The following PCDH15 variants were observed in gnomAD, a reference collection of about 807,000 sequenced individuals.
PCDH15 encodes the protein protocadherin related 15.
PCDH15 carries 129 observed loss-of-function variants against 178.5 expected under a neutral mutation model. That is an observed-to-expected ratio of 0.72 (90% CI 0.63 to 0.84). The LOEUF (loss-of-function observed/expected upper bound fraction) is 0.84. Among genes scored for constraint, PCDH15 ranks in the 40% least tolerant of loss-of-function variants. The pLI is 0.00. For missense variants in PCDH15, 2,230 were observed against 2,099.9 expected (o/e 1.06, Z -1.21); for synonymous variants, 800 against 732.0 (o/e 1.09, Z -1.50).
chr10:55,488,900 T>C (rs76398986), intron 2 of PCDH15, among the ~76,000 whole-genome samples: 5,014 of 151,456 alleles, frequency 0.033, 352 homozygotes, highest in East Asian at 0.29. Flanking sequence ...ACTAGAATAA[T>C]ATTCAGAAAG....
At chr10:55,181,824 A>C (rs1425434022) in intron 1 of PCDH15, among the ~76,000 whole-genome samples, 1 of 152,032 alleles carries the variant, frequency 6.6e-6, no homozygotes, top group Non-Finnish European at 1.5e-5. Flanking sequence ...AATAATTTTT[A>C]ATACAGAGGT....
intron 20 of PCDH15, among the ~76,000 whole-genome samples, chr10:54,000,293 A>G (rs2092068328): frequency 6.6e-6 from 1 of 152,168 alleles, no homozygotes; most frequent in Admixed American, 6.5e-5. Context: ...ATCCACAAGC[A>G]TCAATATCAT....
intron 14 of PCDH15, among the ~76,000 whole-genome samples, chr10:54,149,717 T>C (rs1389454041): frequency 1.3e-5 from 2 of 152,160 alleles, no homozygotes; most frequent in African/African-American, 4.8e-5. Flanking sequence ...GATTGAGATG[T>C]TTTCCATGTT....
At chr10:54,837,717 A>G (rs1953342169) in intron 3 of PCDH15, among the ~76,000 whole-genome samples, 1 of 152,180 alleles carries the variant, frequency 6.6e-6, no homozygotes, top group Non-Finnish European at 1.5e-5. Context: ...CCACTACAGC[A>G]ATAATTCGGC....
chr10:54,008,736 T>C (rs1320299787), intron 20 of PCDH15, among the ~76,000 whole-genome samples: 2 of 152,138 alleles, frequency 1.3e-5, no homozygotes, highest in African/African-American at 4.8e-5. Flanking sequence ...TTCTCTTCTT[T>C]GTCCAAAATC....
At chr10:54,231,711 A>G (rs2054095618) in intron 9 of PCDH15, among the ~76,000 whole-genome samples, 1 of 152,150 alleles carries the variant, frequency 6.6e-6, no homozygotes, top group East Asian at 1.9e-4. Context: ...TTGGGAGCCC[A>G]CCCCCTGCAT....
In PCDH15 at chr10:54,490,663, C is replaced by T. The variant is rs1404965688; in HGVS notation, c.157+37149G>A. On this transcript the variant is annotated intron_variant, in intron 3 of 37. Coordinates refer to ENST00000644397, the MANE Select transcript of PCDH15 (RefSeq NM_001384140.1). ...CACACATATGCCATCCCACCCGATCCGCTGAATCAGAATGTCTGAAGTAGA... is the reference window on the plus strand; with the variant it reads ...CACACATATGCCATCCCACCCGATCTGCTGAATCAGAATGTCTGAAGTAGA... Among the ~76,000 whole-genome samples the T allele has an allele frequency of 7.2e-5, 11 of 151,972 alleles. No homozygotes were observed. In the South Asian group the frequency reaches 8.3e-4, roughly 11 times the overall value.
chr10:54,378,326 T>C (rs1222675062), intron 4 of PCDH15, among the ~76,000 whole-genome samples: 2 of 152,120 alleles, frequency 1.3e-5, no homozygotes, highest in African/African-American at 2.4e-5. Context: ...TTTTCTTTTT[T>C]GCAACTATGT....
At chr10:54,128,590 C>A (rs143670577) in intron 15 of PCDH15, among the ~76,000 whole-genome samples, 1 of 152,240 alleles carries the variant, frequency 6.6e-6, no homozygotes, top group East Asian at 1.9e-4. Flanking sequence ...TGTAATAACA[C>A]TGGACTAGCA....
At chr10:54,810,475 G>A (rs1331744954) in intron 3 of PCDH15, among the ~76,000 whole-genome samples, 1 of 151,948 alleles carries the variant, frequency 6.6e-6, no homozygotes, top group East Asian at 1.9e-4. Flanking sequence ...TATGGATATT[G>A]TACATCTTTC....
At chr10:55,193,466 C>A (rs1162805301) in intron 1 of PCDH15, among the ~76,000 whole-genome samples, 1 of 151,848 alleles carries the variant, frequency 6.6e-6, no homozygotes, top group Non-Finnish European at 1.5e-5. Flanking sequence ...GATTATTAAT[C>A]AAAATGCTTT....
intron 15 of PCDH15, among the ~76,000 whole-genome samples, chr10:54,106,122 T>C (rs1331720089): frequency 1.3e-5 from 2 of 152,220 alleles, no homozygotes; most frequent in East Asian, 1.9e-4. Context: ...TGCCTAGGAC[T>C]GGTGACTCTG....
Position 54,236,830 on chromosome 10 carries a change from G to A in PCDH15, c.978C>T (p.Ile326=), listed in dbSNP as rs563269633. 13 of 1,609,820 alleles carry A rather than the reference G, an allele frequency of 8.1e-6. No homozygotes were observed. In the East Asian group the frequency reaches 2.9e-4, roughly 36 times the overall value. ...PSDRPGILYS[I]LVGTPEDYPR... ...ATGTTATCAGATACAAACCAACAAGGATGGAATAGAGGATTCCTGGCCTAT... is the reference window on the plus strand; with the variant it reads ...ATGTTATCAGATACAAACCAACAAGAATGGAATAGAGGATTCCTGGCCTAT... The change falls in exon 9 of 38, where the codon ATC becomes ATT. Residue 326 remains isoleucine, a synonymous_variant. Coordinates refer to ENST00000644397, the MANE Select transcript of PCDH15 (RefSeq NM_001384140.1).
intron 2 of PCDH15, among the ~76,000 whole-genome samples, chr10:55,150,367 T>G (rs1234300305): frequency 1.3e-5 from 2 of 152,150 alleles, no homozygotes; most frequent in African/African-American, 4.8e-5. Flanking sequence ...GCCTTCCAAT[T>G]TTTATGTTGT....
rs537645661 is a variant in PCDH15 at position 54,854,584 on chromosome 10, C to T, written c.-29+42866G>A. Among the ~76,000 whole-genome samples the T allele has an allele frequency of 2.3e-3, 345 of 152,230 alleles. 2 individuals carry two copies. The highest frequency in any genetic ancestry group is 8.1e-3 in the African/African-American group (338 of 41,556). On this transcript the variant is annotated intron_variant, in intron 3 of 5. Transcript: ENST00000458638. ...TTCAGCTCCTAGGAGAGTGGAGACC[C>T]TGGAGTGGACAGCTCCTCTCTGCAG...
chr10:53,899,055 T>G (rs1054851271), intron 26 of PCDH15, among the ~76,000 whole-genome samples: 2 of 151,690 alleles, frequency 1.3e-5, no homozygotes, highest in Non-Finnish European at 2.9e-5. Flanking sequence ...CCACTCACTA[T>G]AGTATAAACA....
At chr10:55,360,207 C>T (rs1253762782) in intron 2 of PCDH15, among the ~76,000 whole-genome samples, 1 of 151,818 alleles carries the variant, frequency 6.6e-6, no homozygotes, top group Non-Finnish European at 1.5e-5. Context: ...AAAACATCCC[C>T]TTGTACACCA....
chr10:53,912,412 C>T (rs1277356279), intron 25 of PCDH15, among the ~76,000 whole-genome samples: 2 of 152,158 alleles, frequency 1.3e-5, no homozygotes, highest in Non-Finnish European at 2.9e-5. Context: ...CTTAACACTC[C>T]TATTCAACAT....
intron 1 of PCDH15, among the ~76,000 whole-genome samples, chr10:54,773,333 T>C (rs1232060715): frequency 2.0e-5 from 3 of 152,196 alleles, no homozygotes; most frequent in Admixed American, 6.5e-5. Flanking sequence ...AAATGCTTAA[T>C]TCTCCTAATA....
Sources: gnomAD v4.1 joint callset for allele counts (sites outside exome capture counted in the v4.1 genomes callset) on GRCh38, gnomAD v4.1.1 for gene constraint, MANE v1.5 for transcripts, NCBI Gene and HGNC (gene_info 2026-07-23, HGNC 2026-07-21) for gene names.